The following ACAP2 variants were observed in gnomAD, a reference collection of about 807,000 sequenced individuals.
ACAP2 encodes arf-GAP with coiled-coil, ANK repeat and PH domain-containing protein 2.
A neutral mutation model predicts 115.8 loss-of-function variants in ACAP2; 39 were observed. The observed-to-expected ratio is 0.34, with a 90% CI of 0.26 to 0.44. The LOEUF is 0.44. Among genes scored for constraint, ACAP2 ranks in the 20% least tolerant of loss-of-function variants. The pLI, the probability that ACAP2 is intolerant of heterozygous loss-of-function variation, is 1.00. For synonymous variants in ACAP2, 289 were observed against 315.8 expected, an observed-to-expected ratio of 0.92 and a Z score of 0.90; for missense variants, 662 against 927.6, an observed-to-expected ratio of 0.71 and a Z score of 3.72.
intron 1 of ACAP2, among the ~76,000 whole-genome samples, chr3:195,434,382 G>A (rs75201616): frequency 0.023 from 3,547 of 152,136 alleles, 139 homozygotes; most frequent in African/African-American, 0.08. Context: ...ACAGACGCAT[G>A]CTATCACACT....
At chr3:195,316,456 T>C (rs1430746519) in intron 10 of ACAP2, among the ~76,000 whole-genome samples, 2 of 152,176 alleles carry the variant, frequency 1.3e-5, no homozygotes. Flanking sequence ...GGAAGTGCAG[T>C]GGCACAATCT....
intron 13 of ACAP2, 111 bp downstream of exon 13, chr3:195,306,400 C>T (rs531434221): frequency 2.4e-4 from 135 of 559,010 alleles, no homozygotes; most frequent in Non-Finnish European, 1.7e-4. Context: ...AACTCAATTA[C>T]ATAAAATCAT....
At chr3:195,439,023 T>G (rs1240320909) in intron 1 of ACAP2, among the ~76,000 whole-genome samples, 1 of 151,656 alleles carries the variant, frequency 6.6e-6, no homozygotes, top group Non-Finnish European at 1.5e-5. Flanking sequence ...ATCGTGCCAT[T>G]GCACTCCAGC....
In ACAP2 at chr3:195,289,237, TAAG is replaced by T; in HGVS notation, c.2064-9_2064-7del. 1 of 1,595,016 alleles carries T rather than the reference TAAG, an allele frequency of 6.3e-7. No individual in the cohort carries two copies. The highest frequency in any genetic ancestry group is 8.6e-7 in the Non-Finnish European group (1 of 1,169,230). On this transcript the variant is annotated splice_polypyrimidine_tract_variant and splice_region_variant and intron_variant, in intron 20 of 22. Coordinates refer to ENST00000326793, the MANE Select transcript of ACAP2 (RefSeq NM_012287.6). ...TTAGGAATAAACATACCTGCCTGTT[TAAG>T]AACACAGCATTTTTGAGATATTGTC...
intron 1 of ACAP2, among the ~76,000 whole-genome samples, chr3:195,424,257 G>GTATATATATATATATA (rs1714448520): frequency 1.4e-5 from 1 of 72,684 alleles, no homozygotes; most frequent in African/African-American, 5.3e-5. Context: ...GTGTGTGTGT[G>GTATATATATATATATA]TGTGTATATA....
intron 5 of ACAP2, 133 bp downstream of exon 5, chr3:195,345,126 T>G: frequency 1.5e-6 from 1 of 686,004 alleles, no homozygotes; most frequent in East Asian, 2.8e-5. Context: ...AAATGCAGCA[T>G]GCATTTCACA....
At chr3:195,401,491 C>G (rs971416914) in intron 1 of ACAP2, among the ~76,000 whole-genome samples, 1 of 152,010 alleles carries the variant, frequency 6.6e-6, no homozygotes, top group Non-Finnish European at 1.5e-5. Flanking sequence ...GCAGTGAAAC[C>G]CTGTCTGTAC....
intron 1 of ACAP2, among the ~76,000 whole-genome samples, chr3:195,417,559 C>T (rs571082561): frequency 6.6e-6 from 1 of 152,268 alleles, no homozygotes; most frequent in African/African-American, 2.4e-5. Context: ...TGGATTATAG[C>T]AACCACCTTC....
At chr3:195,425,056 A>G (rs1232193936) in intron 1 of ACAP2, among the ~76,000 whole-genome samples, 3 of 142,836 alleles carry the variant, frequency 2.1e-5, no homozygotes, top group Non-Finnish European at 4.6e-5. Context: ...AAAAAAAAAG[A>G]GTTGATTGAG....
intron 9 of ACAP2, chr3:195,325,294 T>C: frequency 2.5e-6 from 1 of 396,790 alleles, no homozygotes; most frequent in South Asian, 1.9e-5. Flanking sequence ...GTAAAATGCG[T>C]GCACGTATCT....
intron 1 of ACAP2, among the ~76,000 whole-genome samples, chr3:195,414,870 C>T (rs1054331053): frequency 6.6e-6 from 1 of 152,094 alleles, no homozygotes; most frequent in South Asian, 2.1e-4. Flanking sequence ...AAGTAAAAGA[C>T]GCCAATCTTT....
At position 195,311,761 on chromosome 3, in the gene ACAP2, T is replaced by C. The variant is rs995981584; in HGVS notation, c.858-2924A>G. On this transcript the variant is annotated intron_variant, in intron 10 of 22. Coordinates refer to ENST00000326793, the MANE Select transcript of ACAP2 (RefSeq NM_012287.6). Reference sequence around the variant, plus strand: ...CATGTTGGCCAAGCTGGTCTTGAACTCCTGACCTCAAGTGATCCACCCGCC... The same window carrying C: ...CATGTTGGCCAAGCTGGTCTTGAACCCCTGACCTCAAGTGATCCACCCGCC... 2.0e-4 allele frequency among the ~76,000 whole-genome samples: 31 copies of C among 151,934 alleles called. 1 individual carries two copies. Among genetic ancestry groups the C allele is most frequent in the Non-Finnish European group, 4.4e-5 (3 of 67,948 alleles).
chr3:195,328,279 TAAGTTATATTTTTTTA>T (rs1366101794), intron 8 of ACAP2, among the ~76,000 whole-genome samples: 2 of 152,218 alleles, frequency 1.3e-5, no homozygotes, highest in African/African-American at 4.8e-5. Flanking sequence ...CTACACATTT[TAAGTTATATTTTTTTA>T]AAACTAAATT....
At chr3:195,350,727 C>A (rs747502379) in intron 4 of ACAP2, among the ~76,000 whole-genome samples, 23 of 151,470 alleles carry the variant, frequency 1.5e-4, no homozygotes, top group Non-Finnish European at 1.3e-4. Context: ...AGCTTTTATT[C>A]ATTTATTTTT....
rs1726795956 is a variant in ACAP2, at chr3:195,285,651, C to T, written c.2236+145G>A. The T allele has an allele frequency of 8.9e-6, 6 of 671,884 alleles. No individual in the cohort carries two copies. In the East Asian group the frequency reaches 1.7e-4, roughly 19 times the overall value. The allele number at this position is 671,884 out of a possible 1,614,324, so 41.6% of individuals were successfully genotyped here. A position where few individuals can be genotyped will look rare whatever the true frequency, so the allele number is the denominator to read the frequency against. On this transcript the variant is annotated intron_variant, in intron 22 of 22. Transcript: ENST00000326793. Reference sequence around the variant, plus strand: ...GTTAAGTACAGTACAAAGCTAACAACTCACAATTTACAAGTGGGTTATAAA... The same window carrying T: ...GTTAAGTACAGTACAAAGCTAACAATTCACAATTTACAAGTGGGTTATAAA...
intron 1 of ACAP2, among the ~76,000 whole-genome samples, chr3:195,420,797 C>G (rs770720689): frequency 6.6e-6 from 1 of 152,082 alleles, no homozygotes; most frequent in Non-Finnish European, 1.5e-5. Context: ...CACGAGCCAC[C>G]ATGCCCAGCT....
chr3:195,412,164 CAAAAAAAAAAAAA>C (rs869120673), intron 1 of ACAP2, among the ~76,000 whole-genome samples: 3,117 of 48,650 alleles, frequency 0.064, 161 homozygotes, highest in African/African-American at 0.21. Flanking sequence ...GACCCTGTCT[CAAAAAAAAAAAAA>C]AAAAAAAAAA....
At chr3:195,406,000 G>C (rs1047926088) in intron 1 of ACAP2, among the ~76,000 whole-genome samples, 1 of 152,048 alleles carries the variant, frequency 6.6e-6, no homozygotes, top group Non-Finnish European at 1.5e-5. Flanking sequence ...CCCACACCAG[G>C]CTTACCTCCA....
At chr3:195,352,361 T>C (rs1340494558) in intron 4 of ACAP2, among the ~76,000 whole-genome samples, 1 of 152,240 alleles carries the variant, frequency 6.6e-6, no homozygotes, top group African/African-American at 2.4e-5. Context: ...TGTTTCACTG[T>C]TGTTAAATGA....
Sources: gnomAD v4.1 joint callset for allele counts (sites outside exome capture counted in the v4.1 genomes callset) on GRCh38, gnomAD v4.1.1 for gene constraint, MANE v1.5 for transcripts, NCBI Gene and HGNC (gene_info 2026-07-23, HGNC 2026-07-21) for gene names.